Variants in SUGCT observed in about 807,000 individuals in gnomAD.
SUGCT encodes succinyl-CoA:glutarate-CoA transferase.
Under a neutral mutation model 55.0 loss-of-function variants are expected in SUGCT, and 41 were observed. The ratio of observed to expected loss-of-function variants is 0.74; its 90% CI spans 0.58 to 0.97. The LOEUF (loss-of-function observed/expected upper bound fraction) is 0.97, where lower values mean the gene tolerates loss of function less well. SUGCT is among the 50% of genes least tolerant of loss of function. The pLI is 0.00. For missense variants in SUGCT, 568 were observed against 547.8 expected (o/e 1.04, Z -0.37); for synonymous variants, 187 against 200.4 (o/e 0.93, Z 0.56).
intron 12 of SUGCT, among the ~76,000 whole-genome samples, chr7:40,511,682 A>G (rs537590206): frequency 2.6e-5 from 4 of 152,340 alleles, no homozygotes; most frequent in Non-Finnish European, 5.9e-5. Flanking sequence ...TTCATTTCAA[A>G]TATCTCACAT....
At chr7:40,937,889 G>C in the SUGCT span, among the ~76,000 whole-genome samples, 1 of 152,282 alleles carries the variant, frequency 6.6e-6, no homozygotes, top group Non-Finnish European at 1.5e-5. Context: ...GGAGCCAGAG[G>C]GGATGATTTT....
At chr7:40,907,067 T>C in the SUGCT span, among the ~76,000 whole-genome samples, 4 of 151,598 alleles carry the variant, frequency 2.6e-5, no homozygotes, top group South Asian at 4.2e-4. Context: ...AAGTAGGTTA[T>C]ACTTGTTAGG....
chr7:40,376,746 C>CTT (rs58041869), intron 9 of SUGCT, among the ~76,000 whole-genome samples: 7,286 of 148,084 alleles, frequency 0.049, 205 homozygotes, highest in Middle Eastern at 0.091. Context: ...TATAATCACT[C>CTT]TTTTTTTTTT....
At chr7:40,487,466 A>C (rs1309105752) in intron 11 of SUGCT, among the ~76,000 whole-genome samples, 1 of 151,536 alleles carries the variant, frequency 6.6e-6, no homozygotes, top group Non-Finnish European at 1.5e-5. Flanking sequence ...CCTGGAGAAT[A>C]TTTTACATGT....
intron 12 of SUGCT, among the ~76,000 whole-genome samples, chr7:40,689,210 T>C (rs1314922553): frequency 2.0e-5 from 3 of 152,218 alleles, no homozygotes; most frequent in Non-Finnish European, 4.4e-5. Flanking sequence ...ATTTTTAGCC[T>C]GTCAAGTAAT....
chr7:40,892,677 G>A, the SUGCT span, among the ~76,000 whole-genome samples: 1 of 152,132 alleles, frequency 6.6e-6, no homozygotes, highest in Admixed American at 6.5e-5. Flanking sequence ...AAGACAGCAG[G>A]TGTGCACCAC....
rs540078711 is a variant in SUGCT, at chr7:40,156,324, G to A, written c.100+21204G>A. ...TAAAAATACAAAAAATTAGCCCGGC[G>A]TGGTGAAGGGCACCTGTAGTCGCAG... is the stretch of plus-strand genomic sequence containing the variant. On this transcript the variant is annotated intron_variant, in intron 1 of 13. Transcript: ENST00000335693. Among the ~76,000 whole-genome samples, 8 of 152,030 alleles carry A rather than the reference G, an allele frequency of 5.3e-5. No homozygotes were observed. In the East Asian group the frequency reaches 1.2e-3, roughly 22 times the overall value.
chr7:40,918,396 G>A, the SUGCT span, among the ~76,000 whole-genome samples: 23 of 149,826 alleles, frequency 1.5e-4, no homozygotes, highest in Admixed American at 1.5e-3. Context: ...GGGAGGCAGA[G>A]GTTGCAGTGA....
intron 12 of SUGCT, among the ~76,000 whole-genome samples, chr7:40,522,119 T>A (rs1190038546): frequency 6.6e-6 from 1 of 152,106 alleles, no homozygotes; most frequent in Non-Finnish European, 1.5e-5. Context: ...TTTTCTGCTT[T>A]CTGTTCATGG....
intron 9 of SUGCT, among the ~76,000 whole-genome samples, chr7:40,436,546 G>A (rs1788187660): frequency 6.6e-6 from 1 of 152,126 alleles, no homozygotes; most frequent in Admixed American, 6.6e-5. Flanking sequence ...CTTGTAGGTA[G>A]TGAAATGTGG....
At chr7:40,852,213 T>C (rs6957123) in intron 13 of SUGCT, among the ~76,000 whole-genome samples, 1 of 152,066 alleles carries the variant, frequency 6.6e-6, no homozygotes, top group Non-Finnish European at 1.5e-5. Context: ...AGAAACTCAG[T>C]ATTCTTCTTT....
intron 12 of SUGCT, among the ~76,000 whole-genome samples, chr7:40,709,802 G>A (rs1268553201): frequency 6.6e-6 from 1 of 152,164 alleles, no homozygotes; most frequent in Non-Finnish European, 1.5e-5. Flanking sequence ...AGAATCACTT[G>A]GAGGGTGACT....
chr7:40,716,015 G>A (rs1046437401), intron 12 of SUGCT, among the ~76,000 whole-genome samples: 2 of 152,214 alleles, frequency 1.3e-5, no homozygotes, highest in African/African-American at 4.8e-5. Context: ...TTTCTCTCCT[G>A]TCTTTAGTGC....
At chr7:40,479,609 T>G (rs917092234) in intron 11 of SUGCT, among the ~76,000 whole-genome samples, 1 of 152,194 alleles carries the variant, frequency 6.6e-6, no homozygotes, top group Non-Finnish European at 1.5e-5. Flanking sequence ...CTTCCCTGTT[T>G]GTCAAAATGG....
intron 9 of SUGCT, among the ~76,000 whole-genome samples, chr7:40,338,996 G>A (rs1796886199): frequency 6.6e-6 from 1 of 152,212 alleles, no homozygotes; most frequent in Non-Finnish European, 1.5e-5. Flanking sequence ...GTCTGTTGGA[G>A]TTTGCTAGAG....
At chr7:40,780,095 A>G (rs532111553) in intron 13 of SUGCT, among the ~76,000 whole-genome samples, 2 of 152,264 alleles carry the variant, frequency 1.3e-5, no homozygotes, top group East Asian at 3.9e-4. Context: ...AGAAGTGGTC[A>G]TCTGTTGCCC....
intron 12 of SUGCT, among the ~76,000 whole-genome samples, chr7:40,501,479 T>C (rs1284167151): frequency 2.6e-5 from 4 of 152,150 alleles, no homozygotes; most frequent in Non-Finnish European, 5.9e-5. Flanking sequence ...AATCAAGGAC[T>C]TAGTATAACA....
the SUGCT span, among the ~76,000 whole-genome samples, chr7:40,994,401 C>T: frequency 3.4e-3 from 145 of 42,694 alleles, no homozygotes; most frequent in African/African-American, 7.4e-3. Context: ...CAAAGAGTCA[C>T]CCCCCCATTT....
intron 12 of SUGCT, among the ~76,000 whole-genome samples, chr7:40,523,884 C>G (rs747638476): frequency 5.1e-4 from 77 of 152,144 alleles, no homozygotes; most frequent in Non-Finnish European, 8.4e-4. Context: ...GCCAAATTTT[C>G]TCTCAATTTT....
Sources: gnomAD v4.1 joint callset for allele counts (sites outside exome capture counted in the v4.1 genomes callset) on GRCh38, gnomAD v4.1.1 for gene constraint, MANE v1.5 for transcripts, NCBI Gene and HGNC (gene_info 2026-07-23, HGNC 2026-07-21) for gene names.